The following AGO2 variants were observed in gnomAD, a reference collection of about 807,000 sequenced individuals.
AGO2 encodes protein argonaute-2.
In AGO2, 5 loss-of-function variants were observed where a neutral mutation model predicts 102.3. The ratio of observed to expected loss-of-function variants is 0.05; its 90% CI spans 0.03 to 0.10. The LOEUF is 0.10. Among genes scored for constraint, AGO2 ranks in the 10% least tolerant of loss-of-function variants. The probability of loss-of-function intolerance (pLI) is 1.00; values close to 1 mark genes in which losing one functional copy is unlikely to be tolerated. For synonymous variants in AGO2, 449 were observed against 473.1 expected (o/e 0.95, Z 0.66); for missense variants, 541 against 1,183.7 (o/e 0.46, Z 7.97).
intron 1 of AGO2, among the ~76,000 whole-genome samples, chr8:140,618,091 C>G (rs1477912112): frequency 3.3e-5 from 5 of 151,820 alleles, no homozygotes; most frequent in Non-Finnish European, 7.4e-5. Context: ...ATCACGAGGT[C>G]AGGAGTTCGA....
upstream of AGO2, among the ~76,000 whole-genome samples, chr8:140,640,434 G>A (rs2074433588): frequency 6.6e-6 from 1 of 151,978 alleles, no homozygotes; most frequent in South Asian, 2.1e-4. Flanking sequence ...ATTTAACTCT[G>A]AATCTAGTTC....
At chr8:140,610,431 C>T (rs1413209012) in intron 1 of AGO2, among the ~76,000 whole-genome samples, 1 of 152,146 alleles carries the variant, frequency 6.6e-6, no homozygotes, top group Non-Finnish European at 1.5e-5. Context: ...GTTGACCAGG[C>T]TGGTATTGAA....
chr8:140,563,956 C>T lies in AGO2; in HGVS notation c.337-1322G>A, dbSNP rs552636921. Among the ~76,000 whole-genome samples, 3 of 152,366 alleles carry T rather than the reference C, an allele frequency of 2.0e-5. No homozygotes were observed. In the East Asian group the frequency reaches 5.8e-4, roughly 29 times the overall value. On this transcript the variant is annotated intron_variant, in intron 3 of 18. Transcript: ENST00000220592. ...CCAGACTCTGCGGGCGTCACCTGCA[C>T]ACCTGGGTCCCAGGTACACACCCTT...
chr8:140,549,994 ATCAGG>A (rs1452570215), intron 11 of AGO2, among the ~76,000 whole-genome samples: 1 of 152,234 alleles, frequency 6.6e-6, no homozygotes, highest in East Asian at 1.9e-4. Context: ...TGTACATTAG[ATCAGG>A]TCAAGAAACA....
At chr8:140,551,216 C>A (rs1317011358) in intron 11 of AGO2, 87 bp downstream of exon 11, 3 of 1,388,562 alleles carry the variant, frequency 2.2e-6, no homozygotes, top group Non-Finnish European at 2.8e-6. Flanking sequence ...ACCCCCACCC[C>A]AACCAGAGTC....
At chr8:140,553,417 T>G (rs933777339) in intron 10 of AGO2, among the ~76,000 whole-genome samples, 4 of 150,576 alleles carry the variant, frequency 2.7e-5, no homozygotes, top group Admixed American at 6.6e-5. Flanking sequence ...TTTTGTTTTT[T>G]TTTTTTTTTG....
intron 1 of AGO2, chr8:140,626,794 T>C (rs933481843): frequency 2.0e-5 from 3 of 152,296 alleles, no homozygotes; most frequent in African/African-American, 7.2e-5. Context: ...GCATCTTCCT[T>C]TGCTTTCTCT....
In AGO2 at chr8:140,549,136, C is replaced by T. The variant is rs1314236807; in HGVS notation, c.1566G>A (p.Leu522=). 6.2e-7 allele frequency: 1 copy of T among 1,610,532 alleles called. No individual in the cohort carries two copies. The highest frequency in any genetic ancestry group is 1.1e-5 in the South Asian group (1 of 90,936). ...TACCGTACACGGGCGTCTTGCCGGGCAGGATGACCACCACCAGCTGCAGGC... is the reference window on the plus strand; with the variant it reads ...TACCGTACACGGGCGTCTTGCCGGGTAGGATGACCACCACCAGCTGCAGGC... ...YAGLQLVVVI[L]PGKTPVYAEV... Residue 522 remains leucine (L), a synonymous_variant, in exon 12 of 19, where the codon CTG becomes CTA. Transcript: ENST00000220592.
chr8:140,620,656 A>G (rs1387141483), intron 1 of AGO2, among the ~76,000 whole-genome samples: 2 of 152,188 alleles, frequency 1.3e-5, no homozygotes, highest in Middle Eastern at 3.4e-3. Flanking sequence ...CTTTGAGCTC[A>G]GGAGTTTGAG....
At chr8:140,620,025 C>A (rs2074197861) in intron 1 of AGO2, among the ~76,000 whole-genome samples, 1 of 152,150 alleles carries the variant, frequency 6.6e-6, no homozygotes, top group Non-Finnish European at 1.5e-5. Context: ...ATGAAACGGG[C>A]TGGTGCAGGA....
chr8:140,557,292 G>T lies in AGO2; in HGVS notation c.879-56C>A. The stretch of plus-strand genomic sequence containing the variant: ...GGCATCCCGGAGCCCCTTCCCCTGC[G>T]CTGCTTTTCATTTGCGTTTGCTTTT... On this transcript the variant is annotated intron_variant, in intron 7 of 18. Transcript: ENST00000220592. This position sits in a 1 kb window ranked among gnomAD's most constrained non-coding sequence, Gnocchi z 5.9. The T allele has an allele frequency of 1.3e-6, 2 of 1,535,052 alleles. No individual in the cohort carries two copies. The highest frequency in any genetic ancestry group is 1.8e-6 in the Non-Finnish European group (2 of 1,141,062).
intron 3 of AGO2, among the ~76,000 whole-genome samples, chr8:140,570,077 CAGA>C (rs1401579738): frequency 6.6e-6 from 1 of 152,262 alleles, no homozygotes; most frequent in Non-Finnish European, 1.5e-5. Flanking sequence ...GGCTCTCACA[CAGA>C]AGGTTAATTT....
intron 2 of AGO2, among the ~76,000 whole-genome samples, chr8:140,582,387 T>C (rs888659422): frequency 3.9e-5 from 6 of 152,206 alleles, no homozygotes; most frequent in African/African-American, 1.2e-4. Context: ...GAAATGCTCA[T>C]TGGAGCATTT....
intron 1 of AGO2, among the ~76,000 whole-genome samples, chr8:140,609,189 C>T (rs996489087): frequency 3.9e-5 from 6 of 152,228 alleles, no homozygotes; most frequent in South Asian, 2.1e-4. Flanking sequence ...AAGTGCTGAG[C>T]GGCTGCAGAG....
upstream of AGO2, among the ~76,000 whole-genome samples, chr8:140,640,358 G>T (rs2074433239): frequency 6.6e-6 from 1 of 151,926 alleles, no homozygotes; most frequent in Non-Finnish European, 1.5e-5. Context: ...TTTTCAAACT[G>T]TATTTTTTTC....
At chr8:140,639,575 C>T (rs1046765485), upstream of AGO2, among the ~76,000 whole-genome samples, 8 of 151,114 alleles carry the variant, frequency 5.3e-5, no homozygotes, top group African/African-American at 1.7e-4. Flanking sequence ...CTTGAGGCCA[C>T]GAGTTCCAGA....
At chr8:140,572,675 AG>A (rs2073398243) in intron 3 of AGO2, 136 bp downstream of exon 3, 1 of 1,251,124 alleles carries the variant, frequency 8.0e-7, no homozygotes, top group Non-Finnish European at 1.1e-6. Flanking sequence ...CTCAGGACGA[AG>A]CATGTGGCAG....
chr8:140,602,513 C>T (rs1328083147), intron 1 of AGO2, among the ~76,000 whole-genome samples: 1 of 152,160 alleles, frequency 6.6e-6, no homozygotes, highest in African/African-American at 2.4e-5. Context: ...CGTTAGAAAA[C>T]CGTCAGAACA....
At chr8:140,612,212 C>T (rs1368067499) in intron 1 of AGO2, among the ~76,000 whole-genome samples, 1 of 122,192 alleles carries the variant, frequency 8.2e-6, no homozygotes, top group Non-Finnish European at 1.7e-5. Flanking sequence ...AAGAGCGAGA[C>T]TCTGTCTCAA....
Sources: allele counts gnomAD v4.1 joint callset (sites outside exome capture counted in the v4.1 genomes callset), GRCh38; gene constraint gnomAD v4.1.1; non-coding constraint Gnocchi (gnomAD v3.1); transcripts MANE v1.5; gene names NCBI Gene and HGNC (gene_info 2026-07-23, HGNC 2026-07-21).